PRDM2: variants seen among roughly 807,000 people sequenced by gnomAD.
PRDM2 encodes the protein PR/SET domain 2.
PRDM2 carries 30 observed loss-of-function variants against 130.0 expected under a neutral mutation model. That is an observed-to-expected ratio of 0.23 (90% CI 0.17 to 0.31). The LOEUF (loss-of-function observed/expected upper bound fraction) is 0.31, where lower values mean the gene tolerates loss of function less well. Among genes scored for constraint, PRDM2 ranks in the 10% least tolerant of loss-of-function variants. The pLI, the probability that PRDM2 is intolerant of heterozygous loss-of-function variation, is 1.00. For missense variants in PRDM2, 2,011 were observed against 2,108.4 expected (o/e 0.95, Z 0.90); for synonymous variants, 871 against 782.4 (o/e 1.11, Z -1.89).
Position 13,803,782 on chromosome 1 carries a change from T to TA in PRDM2, c.5037-12644dup, listed in dbSNP as rs1429931654. 6.6e-6 allele frequency among the ~76,000 whole-genome samples: 1 copy of TA among 152,188 alleles called. No individual in the cohort carries two copies. The highest frequency in any genetic ancestry group is 2.4e-5 in the African/African-American group (1 of 41,448). ...CCTCCCTATCAACTGGGTCATGTGT[T>TA]ACGAGCTTCTCACATGCTGGGTATT... is the stretch of plus-strand genomic sequence containing the variant. On this transcript the variant is annotated intron_variant, in intron 8 of 9. Coordinates refer to ENST00000311066, the MANE Select transcript of PRDM2 (RefSeq NM_001393986.1). The surrounding 1 kb of genome is among the most constrained non-coding windows in gnomAD (Gnocchi z 6.2).
At chr1:13,822,981 G>A (rs910015558) in intron 9 of PRDM2, among the ~76,000 whole-genome samples, 178 bp from the exon 10 acceptor site, 5 of 152,166 alleles carry the variant, frequency 3.3e-5, no homozygotes, top group Non-Finnish European at 7.3e-5. Flanking sequence ...TCATCTGGGT[G>A]CCAGCTCTGC....
In PRDM2 at chr1:13,823,628, C is replaced by G. The variant is rs1645388214; in HGVS notation, c.*493C>G. The G allele has an allele frequency of 6.2e-6, 1 of 160,678 alleles. No homozygotes were observed. Among genetic ancestry groups the G allele is most frequent in the Non-Finnish European group, 1.4e-5 (1 of 73,496 alleles). The allele number at this position is 160,678 out of a possible 1,614,324, so 10.0% of individuals were successfully genotyped here. A position where few individuals can be genotyped will look rare whatever the true frequency, so the allele number is the denominator to read the frequency against. On this transcript the variant is annotated 3_prime_UTR_variant, in exon 10 of 10. Coordinates refer to ENST00000311066, the MANE Select transcript of PRDM2 (RefSeq NM_001393986.1). Reference sequence around the variant, plus strand: ...CCACCCCTCTCTCCCCACCTTCCCTCTCCCGGCAACATCTCTGGGAATCAA... The same window carrying G: ...CCACCCCTCTCTCCCCACCTTCCCTGTCCCGGCAACATCTCTGGGAATCAA...
At chr1:13,717,213 G>GA (rs1642570382) in intron 2 of PRDM2, among the ~76,000 whole-genome samples, 1 of 152,144 alleles carries the variant, frequency 6.6e-6, no homozygotes, top group Non-Finnish European at 1.5e-5. Flanking sequence ...AATTATTTTT[G>GA]AAATGGTGAG....
intron 2 of PRDM2, among the ~76,000 whole-genome samples, chr1:13,721,433 T>C (rs974518027): frequency 6.6e-6 from 1 of 151,916 alleles, no homozygotes; most frequent in Non-Finnish European, 1.5e-5. Flanking sequence ...TAATTATAAA[T>C]ATGAATCTGA....
chr1:13,739,014 T>G (rs1643355737), intron 4 of PRDM2: 1 of 152,068 alleles, frequency 6.6e-6, no homozygotes, highest in African/African-American at 2.4e-5. Context: ...TTGAAACACT[T>G]TTTTACCAAA....
Position 13,824,424 on chromosome 1 carries a change from CT to C in PRDM2, c.*1290del, listed in dbSNP as rs1645401916. The C allele has an allele frequency of 6.6e-6, 1 of 152,384 alleles. No individual in the cohort carries two copies. The highest frequency in any genetic ancestry group is 1.9e-4 in the East Asian group (1 of 5,186). 9.4% of individuals were successfully genotyped at this position (152,384 alleles called of 1,614,324 possible). ...CTTTTAAAAGCACGTATTTATGTCC[CT>C]GACTGTAAATGCTCCATTTTTAAAG... On this transcript the variant is annotated 3_prime_UTR_variant, in exon 10 of 10. Coordinates refer to ENST00000311066, the MANE Select transcript of PRDM2 (RefSeq NM_001393986.1).
In PRDM2 at chr1:13,780,763, C is replaced by T. The variant is rs762664979; in HGVS notation, c.2968C>T (p.Leu990Phe). 3.4e-5 allele frequency: 54 copies of T among 1,573,964 alleles called. No individual in the cohort carries two copies. The highest frequency in any genetic ancestry group is 3.5e-5 in the Non-Finnish European group (40 of 1,157,802). ...TGTTGCCACTCCGCCCCCTCCCCTC[C>T]TTCCTACCGTACCTCTTCCAGCCCC... ...LTVATPPPPL[L>F]PTVPLPAPSS... is the part of the protein sequence containing the mutation. Residue 990 changes from leucine (L) to phenylalanine (F), a missense_variant, in exon 8 of 10, where the codon CTT (leucine) becomes TTT (phenylalanine). Coordinates refer to ENST00000311066, the MANE Select transcript of PRDM2 (RefSeq NM_001393986.1).
At chr1:13,787,579 C>T in intron 8 of PRDM2, 1 of 979,384 alleles carries the variant, frequency 1.0e-6, no homozygotes, top group Non-Finnish European at 1.2e-6. Context: ...CATTTTGTTA[C>T]ATTTCTGTTA....
intron 1 of PRDM2, among the ~76,000 whole-genome samples, chr1:13,707,263 C>T (rs1035696584): frequency 6.6e-6 from 1 of 152,162 alleles, no homozygotes. Context: ...CTACCCTGCC[C>T]GTGCTGCTGT....
intron 8 of PRDM2, among the ~76,000 whole-genome samples, chr1:13,811,963 G>C (rs1645179583): frequency 6.6e-6 from 1 of 152,234 alleles, no homozygotes; most frequent in African/African-American, 2.4e-5. Context: ...GCCTGGCTGA[G>C]AGACAAGTGC....
At chr1:13,752,614 A>C (rs1441297755) in intron 6 of PRDM2, among the ~76,000 whole-genome samples, 1 of 152,204 alleles carries the variant, frequency 6.6e-6, no homozygotes, top group African/African-American at 2.4e-5. Flanking sequence ...GTAAGCAATG[A>C]CTGTTGGCAA....
chr1:13,722,209 A>G lies in PRDM2; in HGVS notation c.9+6595A>G, dbSNP rs572587706. On this transcript the variant is annotated intron_variant, in intron 2 of 9. Transcript: ENST00000311066. ...CCATTCTCCATAGGCCTTACAGAAC[A>G]TGCAGCTCACCATCTGGGAAATCAG... Among the ~76,000 whole-genome samples the G allele has an allele frequency of 4.7e-4, 71 of 152,290 alleles. 1 individual carries two copies. Among genetic ancestry groups the G allele is most frequent in the African/African-American group, 1.5e-3 (62 of 41,550 alleles).
Position 13,803,785 on chromosome 1 carries a change from G to A in PRDM2, c.5037-12642G>A, listed in dbSNP as rs552519810. Among the ~76,000 whole-genome samples, 9 of 152,262 alleles carry A rather than the reference G, an allele frequency of 5.9e-5. No homozygotes were observed. Among genetic ancestry groups the A allele is most frequent in the East Asian group, 1.9e-4 (1 of 5,172 alleles). On this transcript the variant is annotated intron_variant, in intron 8 of 9. Coordinates refer to ENST00000311066, the MANE Select transcript of PRDM2 (RefSeq NM_001393986.1). The surrounding 1 kb of genome is among the most constrained non-coding windows in gnomAD (Gnocchi z 6.2). ...CCCTATCAACTGGGTCATGTGTTACGAGCTTCTCACATGCTGGGTATTTAG... is the reference window on the plus strand; with the variant it reads ...CCCTATCAACTGGGTCATGTGTTACAAGCTTCTCACATGCTGGGTATTTAG...
chr1:13,818,308 T>C (rs1176260906), intron 9 of PRDM2, among the ~76,000 whole-genome samples: 1 of 151,996 alleles, frequency 6.6e-6, no homozygotes, highest in East Asian at 1.9e-4. Flanking sequence ...TCTTTTGTAT[T>C]ATGCCAGGAA....
chr1:13,781,410 T>C lies in PRDM2; in HGVS notation c.3615T>C (p.Asn1205=). The C allele has an allele frequency of 6.8e-7, 1 of 1,478,394 alleles. No homozygotes were observed. Among genetic ancestry groups the C allele is most frequent in the South Asian group, 1.4e-5 (1 of 69,298 alleles). 91.6% of individuals were successfully genotyped at this position (1,478,394 alleles called of 1,614,324 possible). ...VCKKEFAFLC[N]LQQHQRDLHP... ...AAAAAGAATTTGCTTTTTTGTGCAATTTGCAGCAGCACCAGCGAGATCTCC... is the reference window on the plus strand; with the variant it reads ...AAAAAGAATTTGCTTTTTTGTGCAACTTGCAGCAGCACCAGCGAGATCTCC... Residue 1205 remains asparagine, a synonymous_variant, in exon 8 of 10, where the codon AAT becomes AAC. Coordinates refer to ENST00000311066, the MANE Select transcript of PRDM2 (RefSeq NM_001393986.1). This position sits in a 1 kb window ranked among gnomAD's most constrained non-coding sequence, Gnocchi z 6.1.
chr1:13,775,901 G>A, intron 7 of PRDM2, among the ~76,000 whole-genome samples: 1 of 152,114 alleles, frequency 6.6e-6, no homozygotes, highest in East Asian at 1.9e-4. Flanking sequence ...TCTCCCAGAT[G>A]GCAGTCTCCT....
In PRDM2 at chr1:13,781,106, A is replaced by G. The variant is rs1229648142; in HGVS notation, c.3311A>G (p.Glu1104Gly). The change falls in exon 8 of 10, where the codon GAA becomes GGA. Residue 1104 changes from glutamate (E) to glycine (G), a missense_variant. By Grantham distance (98) the Glu-to-Gly change is moderately conservative (BLOSUM62 -2). Transcript: ENST00000311066. The surrounding 1 kb of genome is among the most constrained non-coding windows in gnomAD (Gnocchi z 6.1). ...CCCATGATATCTTTCAAACAGGAGG[A>G]ATTAGAGAATGAAGGTCTGAAACCC... is the stretch of plus-strand genomic sequence containing the variant. Reference protein sequence around the residue: ...SLPMISFKQEELENEGLKPRE... With the variant: ...SLPMISFKQEGLENEGLKPRE... 1 of 1,613,840 alleles carries G rather than the reference A, an allele frequency of 6.2e-7. No homozygotes were observed. The highest frequency in any genetic ancestry group is 2.2e-5 in the East Asian group (1 of 44,858).
Position 13,780,306 on chromosome 1 carries a change from A to G in PRDM2, c.2511A>G (p.Thr837=), listed in dbSNP as rs1644578570. The G allele has an allele frequency of 3.1e-6, 5 of 1,614,216 alleles. No individual in the cohort carries two copies. Among genetic ancestry groups the G allele is most frequent in the East Asian group, 2.2e-5 (1 of 44,878 alleles). Residue 837 remains threonine (T), a synonymous_variant, in exon 8 of 10, where the codon ACA becomes ACG. Transcript: ENST00000311066. ...SSGVKQKAEG[T]GKTPVQWESV... ...GTGTCAAACAGAAGGCTGAGGGTAC[A>G]GGCAAGACTCCAGTCCAGTGGGAAT... is the stretch of plus-strand genomic sequence containing the variant.
chr1:13,746,528 T>TTTTATTTATTTA (rs34775135), intron 5 of PRDM2, among the ~76,000 whole-genome samples: 64 of 146,546 alleles, frequency 4.4e-4, no homozygotes, highest in African/African-American at 1.4e-3. Flanking sequence ...TACTACTTGT[T>TTTTATTTATTTA]TTTATTTATT....
Sources: allele counts gnomAD v4.1 joint callset (sites outside exome capture counted in the v4.1 genomes callset), GRCh38; gene constraint gnomAD v4.1.1; non-coding constraint Gnocchi (gnomAD v3.1); transcripts MANE v1.5; gene names NCBI Gene and HGNC (gene_info 2026-07-23, HGNC 2026-07-21).